FILIP1L: variants seen among roughly 807,000 people sequenced by gnomAD.
The protein encoded by FILIP1L is filamin A interacting protein 1 like, also known as filamin A-interacting protein 1-like.
A neutral mutation model predicts 96.6 loss-of-function variants in FILIP1L; 55 were observed. The ratio of observed to expected loss-of-function variants is 0.57; its 90% CI spans 0.46 to 0.71. The LOEUF is 0.71. FILIP1L is among the 30% of genes least tolerant of loss of function. The pLI, the probability that FILIP1L is intolerant of heterozygous loss-of-function variation, is 0.00. For synonymous variants in FILIP1L, 467 were observed against 473.9 expected, an observed-to-expected ratio of 0.99 and a Z score of 0.19; for missense variants, 1,304 against 1,321.2, an observed-to-expected ratio of 0.99 and a Z score of 0.20.
chr3:99,879,234 G>A (rs1297066946), intron 4 of FILIP1L, among the ~76,000 whole-genome samples: 1 of 152,150 alleles, frequency 6.6e-6, no homozygotes, highest in East Asian at 1.9e-4. Context: ...TGCGGGAGAA[G>A]GGGTTTGTAG....
At chr3:100,014,887 C>CTTTTTTTTTTTTTTTTT (rs1559725867) in intron 1 of FILIP1L, among the ~76,000 whole-genome samples, 2 of 32,460 alleles carry the variant, frequency 6.2e-5, no homozygotes, top group Non-Finnish European at 1.2e-4. Context: ...TTTTTTTTTT[C>CTTTTTTTTTTTTTTTTT]TTTCTTTCTT....
chr3:100,098,460 G>A (rs1302615095), intron 1 of FILIP1L, among the ~76,000 whole-genome samples: 3 of 152,156 alleles, frequency 2.0e-5, no homozygotes, highest in Non-Finnish European at 2.9e-5. Context: ...AAATAAGTTA[G>A]TGTATTAAAG....
At chr3:99,905,968 AGATCACTTGAACTTAGAAGTTCAAG>A (rs1706603242) in intron 4 of FILIP1L, among the ~76,000 whole-genome samples, 1 of 152,180 alleles carries the variant, frequency 6.6e-6, no homozygotes, top group South Asian at 2.1e-4. Flanking sequence ...TGAGGCAGGC[AGATCACTTGAACTTAGAAGTTCAAG>A]GCCAGCCTAG....
At chr3:99,973,353 T>C (rs1207753510) in intron 1 of FILIP1L, among the ~76,000 whole-genome samples, 1 of 152,240 alleles carries the variant, frequency 6.6e-6, no homozygotes, top group Non-Finnish European at 1.5e-5. Context: ...CAAAAACTGG[T>C]ATGTTTTAAT....
chr3:99,858,909 T>A (rs977288640), intron 4 of FILIP1L, among the ~76,000 whole-genome samples: 1 of 152,242 alleles, frequency 6.6e-6, no homozygotes, highest in Non-Finnish European at 1.5e-5. Context: ...GTCAGCCTTT[T>A]GCTTCATCCT....
At chr3:100,093,079 GA>G (rs1477587841) in intron 1 of FILIP1L, among the ~76,000 whole-genome samples, 2 of 151,866 alleles carry the variant, frequency 1.3e-5, no homozygotes, top group Non-Finnish European at 2.9e-5. Context: ...ATACAGAATG[GA>G]AAAAATTGAA....
intron 4 of FILIP1L, among the ~76,000 whole-genome samples, chr3:99,919,487 C>CATT (rs1446754485): frequency 6.6e-6 from 1 of 150,750 alleles, no homozygotes; most frequent in East Asian, 1.9e-4. Context: ...TGTTTTGTTT[C>CATT]AGTTAATGAA....
intron 1 of FILIP1L, among the ~76,000 whole-genome samples, chr3:99,971,788 A>G (rs1421233797): frequency 6.6e-6 from 1 of 152,214 alleles, no homozygotes; most frequent in Non-Finnish European, 1.5e-5. Flanking sequence ...CCATTCCCAT[A>G]AAAGAGAACA....
At chr3:99,854,188 T>G (rs139050305) in intron 4 of FILIP1L, among the ~76,000 whole-genome samples, 7 of 152,194 alleles carry the variant, frequency 4.6e-5, no homozygotes, top group African/African-American at 1.7e-4. Flanking sequence ...GGGTGTGGAG[T>G]TGAGCCTCCT....
At chr3:100,022,761 C>T (rs947618855) in intron 1 of FILIP1L, among the ~76,000 whole-genome samples, 2 of 152,174 alleles carry the variant, frequency 1.3e-5, no homozygotes, top group Non-Finnish European at 1.5e-5. Flanking sequence ...TGGTTATTTT[C>T]TGCTGCCCAG....
At chr3:100,059,133 G>C (rs1483437566) in intron 1 of FILIP1L, among the ~76,000 whole-genome samples, 1 of 152,210 alleles carries the variant, frequency 6.6e-6, no homozygotes, top group Non-Finnish European at 1.5e-5. Flanking sequence ...AGAAAGAACA[G>C]ATTGACTAAC....
At chr3:100,047,041 G>A (rs945044185) in intron 1 of FILIP1L, among the ~76,000 whole-genome samples, 7 of 152,184 alleles carry the variant, frequency 4.6e-5, no homozygotes, top group African/African-American at 1.4e-4. Context: ...AAGATAAAAT[G>A]TAAAGGGTAT....
intron 5 of FILIP1L, among the ~76,000 whole-genome samples, chr3:99,839,391 G>A (rs879691667): frequency 1.3e-5 from 2 of 152,190 alleles, no homozygotes; most frequent in Non-Finnish European, 2.9e-5. Flanking sequence ...GTTGAGGAAT[G>A]AAGGAAGCCT....
intron 1 of FILIP1L, among the ~76,000 whole-genome samples, chr3:100,076,129 T>A (rs1359299037): frequency 6.6e-6 from 1 of 152,236 alleles, no homozygotes; most frequent in African/African-American, 2.4e-5. Flanking sequence ...TTAAGAAATA[T>A]ATTTGTTAGT....
Position 99,849,666 on chromosome 3 carries a change from A to G in FILIP1L, c.2010T>C (p.Ala670=). The change falls in exon 5 of 6, where the codon GCT becomes GCC. Residue 670 remains alanine, a synonymous_variant. Transcript: ENST00000477258. ...ERRYANERDK[A]QFLSKELEHV... is the part of the protein sequence containing the mutation. ...GTTCTAGCTCTTTAGATAAAAATTG[A>G]GCTTTGTCTCGTTCATTAGCATACC... 6.2e-7 allele frequency: 1 copy of G among 1,613,198 alleles called. No homozygotes were observed. The highest frequency in any genetic ancestry group is 8.5e-7 in the Non-Finnish European group (1 of 1,179,874).
intron 5 of FILIP1L, among the ~76,000 whole-genome samples, chr3:99,832,277 C>T (rs888520485): frequency 6.7e-6 from 1 of 148,576 alleles, no homozygotes; most frequent in African/African-American, 2.5e-5. Flanking sequence ...ATCACCCAGA[C>T]TGGAGTGCAG....
At chr3:99,999,016 G>A (rs73859915) in intron 1 of FILIP1L, among the ~76,000 whole-genome samples, 2,251 of 152,248 alleles carry the variant, frequency 0.015, 56 homozygotes, top group African/African-American at 0.052. Context: ...TAGCTTTGAC[G>A]TTGCTACTCT....
At chr3:100,069,884 T>C (rs919169458) in intron 1 of FILIP1L, among the ~76,000 whole-genome samples, 1 of 152,194 alleles carries the variant, frequency 6.6e-6, no homozygotes, top group African/African-American at 2.4e-5. Context: ...GGACTCACAC[T>C]ATCCAGTTCA....
At chr3:99,856,608 T>C (rs1455398158) in intron 4 of FILIP1L, among the ~76,000 whole-genome samples, 2 of 152,226 alleles carry the variant, frequency 1.3e-5, no homozygotes, top group Non-Finnish European at 2.9e-5. Context: ...TGGCTCAGAA[T>C]TGTTATAACT....
Sources: allele counts gnomAD v4.1 joint callset (sites outside exome capture counted in the v4.1 genomes callset), GRCh38; gene constraint gnomAD v4.1.1; transcripts MANE v1.5; gene names NCBI Gene and HGNC (gene_info 2026-07-23, HGNC 2026-07-21).